PRKG1: variants seen among roughly 807,000 people sequenced by gnomAD.
PRKG1 encodes cGMP-dependent protein kinase 1.
PRKG1 carries 35 observed loss-of-function variants against 88.1 expected under a neutral mutation model. The ratio of observed to expected loss-of-function variants is 0.40; its 90% CI spans 0.30 to 0.53. The LOEUF (loss-of-function observed/expected upper bound fraction) is 0.53. PRKG1 is among the 20% of genes least tolerant of loss of function. PRKG1 has a pLI of 0.59. For synonymous variants in PRKG1, 303 were observed against 292.5 expected, an observed-to-expected ratio of 1.04 and a Z score of -0.37; for missense variants, 540 against 839.8, an observed-to-expected ratio of 0.64 and a Z score of 4.41.
chr10:51,032,090 G>T (rs918050643), intron 1 of PRKG1, among the ~76,000 whole-genome samples: 11 of 152,144 alleles, frequency 7.2e-5, no homozygotes, highest in Admixed American at 3.9e-4. Context: ...AAATCTTCCA[G>T]CTGTTCAGTG....
intron 5 of PRKG1, chr10:52,046,979 TAG>T (rs1414524176): frequency 1.3e-5 from 2 of 152,040 alleles, no homozygotes; most frequent in Non-Finnish European, 2.9e-5. Context: ...TGTAAATAAA[TAG>T]AGTGTCCCGA....
At chr10:51,215,739 C>T (rs1838355809) in intron 2 of PRKG1, among the ~76,000 whole-genome samples, 1 of 152,170 alleles carries the variant, frequency 6.6e-6, no homozygotes, top group Non-Finnish European at 1.5e-5. Flanking sequence ...CTTTCTTTCA[C>T]CAGTATGACA....
chr10:52,166,812 T>G (rs1402923246), intron 9 of PRKG1, among the ~76,000 whole-genome samples: 1 of 1,428 alleles, frequency 7.0e-4, no homozygotes, highest in African/African-American at 7.5e-4. Context: ...TATATATGTA[T>G]ATATATGTAT....
intron 3 of PRKG1, among the ~76,000 whole-genome samples, chr10:51,553,878 G>T (rs911936126): frequency 8.7e-6 from 1 of 114,388 alleles, no homozygotes; most frequent in Non-Finnish European, 1.8e-5. Context: ...GTATGTATTA[G>T]ATACGTGTAT....
At chr10:51,801,509 T>C (rs1839173073) in intron 3 of PRKG1, among the ~76,000 whole-genome samples, 1 of 152,170 alleles carries the variant, frequency 6.6e-6, no homozygotes, top group South Asian at 2.1e-4. Flanking sequence ...ATTTGTTTTC[T>C]ATCCCGTAGA....
intron 4 of PRKG1, among the ~76,000 whole-genome samples, chr10:51,872,196 G>A (rs181096195): frequency 1.3e-5 from 2 of 152,302 alleles, no homozygotes; most frequent in Admixed American, 1.3e-4. Flanking sequence ...AGGCAATCAG[G>A]ACTATCAGAT....
At position 51,358,178 on chromosome 10, in the gene PRKG1, G is replaced by C. The variant is rs1381255201; in HGVS notation, c.479-109545G>C. On this transcript the variant is annotated intron_variant, in intron 2 of 17. Coordinates refer to ENST00000373980, the MANE Select transcript of PRKG1 (RefSeq NM_006258.4). ...TACTTGAGTCTTGACTGAGACTGGA[G>C]GATCTATTTCCAAGGTAGCTCACTC... 2.0e-5 allele frequency among the ~76,000 whole-genome samples: 3 copies of C among 151,842 alleles called. No individual in the cohort carries two copies. The East Asian group carries it at 5.8e-4, about 29-fold the overall frequency.
intron 2 of PRKG1, among the ~76,000 whole-genome samples, chr10:51,388,479 T>C (rs774002305): frequency 5.3e-5 from 8 of 152,198 alleles, no homozygotes; most frequent in Non-Finnish European, 1.2e-4. Flanking sequence ...ATTTATATAG[T>C]CTTGAGCCTC....
At chr10:51,846,806 A>G (rs922177952) in intron 4 of PRKG1, among the ~76,000 whole-genome samples, 1 of 152,140 alleles carries the variant, frequency 6.6e-6, no homozygotes, top group African/African-American at 2.4e-5. Flanking sequence ...TCAGCAGGTT[A>G]ATTGGACAAC....
chr10:51,944,154 G>T (rs931352960), intron 5 of PRKG1, among the ~76,000 whole-genome samples: 3 of 152,066 alleles, frequency 2.0e-5, no homozygotes, highest in Non-Finnish European at 2.9e-5. Context: ...TCTATTCAGA[G>T]AGTCAACTTC....
chr10:51,524,389 T>C (rs1841822333), intron 3 of PRKG1, among the ~76,000 whole-genome samples: 1 of 152,226 alleles, frequency 6.6e-6, no homozygotes, highest in Non-Finnish European at 1.5e-5. Context: ...GTAGGTTTTG[T>C]AGTAGTCTCT....
At chr10:52,269,877 G>GATCC (rs142097621) in intron 10 of PRKG1, among the ~76,000 whole-genome samples, 2,124 of 152,132 alleles carry the variant, frequency 0.014, 46 homozygotes, top group African/African-American at 0.049. Flanking sequence ...GCATGTGGAA[G>GATCC]ATCCATGCCT....
intron 2 of PRKG1, among the ~76,000 whole-genome samples, chr10:51,263,045 A>G (rs1364992866): frequency 6.6e-6 from 1 of 152,156 alleles, no homozygotes; most frequent in African/African-American, 2.4e-5. Context: ...TTTATCTTAT[A>G]TTCCACTTTT....
At chr10:51,724,061 G>C (rs993926877) in intron 3 of PRKG1, among the ~76,000 whole-genome samples, 1 of 152,074 alleles carries the variant, frequency 6.6e-6, no homozygotes, top group Admixed American at 6.5e-5. Flanking sequence ...TGTCTGAGTG[G>C]ACTAGGTGGG....
chr10:52,183,128 C>G (rs1839087678), intron 9 of PRKG1, among the ~76,000 whole-genome samples: 1 of 152,192 alleles, frequency 6.6e-6, no homozygotes, highest in Admixed American at 6.5e-5. Context: ...CATCAACCTC[C>G]ATGGCCCAAA....
intron 2 of PRKG1, among the ~76,000 whole-genome samples, chr10:51,456,924 A>G (rs534498713): frequency 7.2e-5 from 11 of 152,336 alleles, no homozygotes; most frequent in South Asian, 4.1e-4. Flanking sequence ...CAATAAAAAC[A>G]GTCAAAAAAC....
intron 9 of PRKG1, among the ~76,000 whole-genome samples, chr10:52,178,297 C>T (rs1028955599): frequency 6.6e-6 from 1 of 151,924 alleles, no homozygotes; most frequent in Admixed American, 6.6e-5. Flanking sequence ...TTAATTTGTA[C>T]ACATTTTTAT....
At chr10:51,874,634 G>A (rs1841247736) in intron 4 of PRKG1, among the ~76,000 whole-genome samples, 1 of 152,046 alleles carries the variant, frequency 6.6e-6, no homozygotes, top group Admixed American at 6.5e-5. Flanking sequence ...AAAAGAAGAA[G>A]ACATCTGAGT....
intron 7 of PRKG1, among the ~76,000 whole-genome samples, chr10:52,111,850 T>C (rs1326234152): frequency 6.6e-6 from 1 of 152,218 alleles, no homozygotes; most frequent in Non-Finnish European, 1.5e-5. Flanking sequence ...TCTCATTGAA[T>C]TCCTAAGTGC....
Sources: allele counts gnomAD v4.1 joint callset (sites outside exome capture counted in the v4.1 genomes callset), GRCh38; gene constraint gnomAD v4.1.1; transcripts MANE v1.5; gene names NCBI Gene and HGNC (gene_info 2026-07-23, HGNC 2026-07-21).